Variants in LRMDA observed in about 807,000 individuals in gnomAD.
LRMDA encodes the protein leucine rich melanocyte differentiation associated, also known as leucine-rich melanocyte differentiation-associated protein.
A neutral mutation model predicts 29.8 loss-of-function variants in LRMDA; 18 were observed. The observed-to-expected ratio is 0.60, with a 90% confidence interval of 0.42 to 0.90. LRMDA has a LOEUF of 0.90. LRMDA is among the 40% of genes least tolerant of loss of function. LRMDA has a pLI of 0.00. For missense variants in LRMDA, 273 were observed against 273.9 expected (o/e 1.00, Z 0.02); for synonymous variants, 125 against 109.4 (o/e 1.14, Z -0.89).
chr10:75,785,712 G>T (rs1843460698), intron 2 of LRMDA, among the ~76,000 whole-genome samples: 1 of 152,166 alleles, frequency 6.6e-6, no homozygotes, highest in African/African-American at 2.4e-5. Flanking sequence ...GTATTTAAGA[G>T]CCCCACTAAT....
intron 2 of LRMDA, among the ~76,000 whole-genome samples, chr10:75,936,589 A>G (rs1258095461): frequency 1.3e-5 from 2 of 152,192 alleles, no homozygotes. Context: ...TTGGTTATAA[A>G]CAGCAGATAC....
At chr10:75,483,866 G>GTTTTTT (rs1554893486) in intron 2 of LRMDA, among the ~76,000 whole-genome samples, 2 of 23,988 alleles carry the variant, frequency 8.3e-5, no homozygotes, top group Non-Finnish European at 1.1e-4. Context: ...AGTATGGAGA[G>GTTTTTT]GTTTTTTTTT....
chr10:75,495,180 T>G (rs1203550049), intron 2 of LRMDA, among the ~76,000 whole-genome samples: 1 of 152,178 alleles, frequency 6.6e-6, no homozygotes, highest in African/African-American at 2.4e-5. Context: ...GTAGGCCACC[T>G]GTAGATTCTG....
chr10:76,136,504 G>A (rs1468992894), intron 5 of LRMDA, among the ~76,000 whole-genome samples: 1 of 152,068 alleles, frequency 6.6e-6, no homozygotes, highest in African/African-American at 2.4e-5. Context: ...TCAATATTAT[G>A]AGTAAACTAT....
At chr10:76,380,493 C>T (rs1277472830) in intron 6 of LRMDA, among the ~76,000 whole-genome samples, 1 of 151,820 alleles carries the variant, frequency 6.6e-6, no homozygotes, top group Non-Finnish European at 1.5e-5. Context: ...CATGGTGAAA[C>T]CCCATCTCTA....
intron 5 of LRMDA, among the ~76,000 whole-genome samples, chr10:76,218,171 G>A (rs1299646139): frequency 1.3e-5 from 2 of 152,190 alleles, no homozygotes; most frequent in Non-Finnish European, 2.9e-5. Flanking sequence ...TTAGTGAATG[G>A]AATTTCATTA....
intron 2 of LRMDA, among the ~76,000 whole-genome samples, chr10:75,919,951 ATCTC>A (rs1038817486): frequency 6.6e-6 from 1 of 151,846 alleles, no homozygotes; most frequent in African/African-American, 2.4e-5. Flanking sequence ...ATTAATAATT[ATCTC>A]TCTCTCCTCT....
chr10:75,740,597 G>A (rs1000013154), intron 2 of LRMDA, among the ~76,000 whole-genome samples: 1 of 152,180 alleles, frequency 6.6e-6, no homozygotes, highest in Non-Finnish European at 1.5e-5. Flanking sequence ...ATTGGCATGA[G>A]CACTCAGGCC....
In LRMDA at chr10:75,594,430, C is replaced by A. The variant is rs190827833; in HGVS notation, c.131+155936C>A. On this transcript the variant is annotated intron_variant, in intron 2 of 6. Coordinates refer to ENST00000611255, the MANE Select transcript of LRMDA (RefSeq NM_001305581.2). The stretch of plus-strand genomic sequence containing the variant: ...GAGAAACAAGCTGCTCAGTGAGGGG[C>A]CTTTCAGGAAAAAAGAACTTCACAG... 7.9e-5 allele frequency among the ~76,000 whole-genome samples: 12 copies of A among 152,218 alleles called. No homozygotes were observed. The East Asian group carries it at 2.1e-3, about 27-fold the overall frequency.
chr10:75,872,595 T>C (rs1845133449), intron 2 of LRMDA, among the ~76,000 whole-genome samples: 1 of 152,176 alleles, frequency 6.6e-6, no homozygotes, highest in Admixed American at 6.5e-5. Context: ...TGAGCCACTG[T>C]GCCTGGCTGA....
intron 6 of LRMDA, among the ~76,000 whole-genome samples, chr10:76,547,459 T>C (rs1288516756): frequency 1.3e-5 from 2 of 152,066 alleles, no homozygotes; most frequent in South Asian, 4.1e-4. Flanking sequence ...AAAAGCACAG[T>C]GTGGCTATAA....
At chr10:75,854,829 G>A (rs1240201744) in intron 2 of LRMDA, among the ~76,000 whole-genome samples, 6 of 151,116 alleles carry the variant, frequency 4.0e-5, no homozygotes, top group Admixed American at 1.3e-4. Context: ...TTGATTTTTC[G>A]TTCTTGTGAT....
At chr10:76,315,197 G>A (rs1408379508) in intron 5 of LRMDA, among the ~76,000 whole-genome samples, 1 of 152,244 alleles carries the variant, frequency 6.6e-6, no homozygotes, top group Non-Finnish European at 1.5e-5. Flanking sequence ...TGGTACTTGT[G>A]ATGGCAGCGG....
chr10:76,085,207 C>T (rs1849114903), intron 5 of LRMDA, among the ~76,000 whole-genome samples: 1 of 152,206 alleles, frequency 6.6e-6, no homozygotes, highest in African/African-American at 2.4e-5. Flanking sequence ...CTGGAGCTGT[C>T]AGGCATATGG....
At chr10:76,321,991 CTT>C (rs1263495199) in intron 5 of LRMDA, among the ~76,000 whole-genome samples, 1 of 152,128 alleles carries the variant, frequency 6.6e-6, no homozygotes, top group African/African-American at 2.4e-5. Flanking sequence ...ATTTAAGAGT[CTT>C]TATAGTCTTG....
At chr10:75,580,071 G>A (rs1840566767) in intron 2 of LRMDA, among the ~76,000 whole-genome samples, 1 of 152,194 alleles carries the variant, frequency 6.6e-6, no homozygotes. Context: ...GTTCTGGCCA[G>A]GGTAATCAGG....
At chr10:76,320,135 G>GA (rs1456672767) in intron 5 of LRMDA, among the ~76,000 whole-genome samples, 1 of 152,200 alleles carries the variant, frequency 6.6e-6, no homozygotes, top group African/African-American at 2.4e-5. Flanking sequence ...GTCTGTTGTA[G>GA]AATACACTGT....
At chr10:76,263,080 G>GA (rs1160964953) in intron 5 of LRMDA, among the ~76,000 whole-genome samples, 2 of 151,638 alleles carry the variant, frequency 1.3e-5, no homozygotes, top group Non-Finnish European at 2.9e-5. Flanking sequence ...TTTTCAAATT[G>GA]AAAAAAAATT....
chr10:76,346,538 G>A (rs929858771), intron 6 of LRMDA: 4 of 152,068 alleles, frequency 2.6e-5, no homozygotes, highest in African/African-American at 7.2e-5. Flanking sequence ...AAAGAAATAT[G>A]GAGAAAAATA....
Sources: allele counts gnomAD v4.1 joint callset (sites outside exome capture counted in the v4.1 genomes callset), GRCh38; gene constraint gnomAD v4.1.1; transcripts MANE v1.5; gene names NCBI Gene and HGNC (gene_info 2026-07-23, HGNC 2026-07-21).